The following PRKCH variants were observed in gnomAD, a reference collection of about 807,000 sequenced individuals.
PRKCH encodes protein kinase C eta.
A neutral mutation model predicts 82.5 loss-of-function variants in PRKCH; 28 were observed. That is an observed-to-expected ratio of 0.34 (90% CI 0.25 to 0.47). The LOEUF (loss-of-function observed/expected upper bound fraction) is 0.47. PRKCH is among the 20% of genes least tolerant of loss of function. The pLI, the probability that PRKCH is intolerant of heterozygous loss-of-function variation, is 1.00. For synonymous variants in PRKCH, 322 were observed against 327.4 expected, an observed-to-expected ratio of 0.98 and a Z score of 0.18; for missense variants, 705 against 881.8, an observed-to-expected ratio of 0.80 and a Z score of 2.54.
intron 7 of PRKCH, among the ~76,000 whole-genome samples, chr14:61,454,292 G>A (rs956810235): frequency 6.6e-5 from 10 of 151,870 alleles, no homozygotes; most frequent in African/African-American, 2.2e-4. Context: ...TTAGTAAGAC[G>A]GAGTTTCTCC....
chr14:61,505,877 A>G (rs570076894), intron 10 of PRKCH, among the ~76,000 whole-genome samples: 5 of 152,110 alleles, frequency 3.3e-5, no homozygotes, highest in Non-Finnish European at 7.3e-5. Context: ...GTAGAGGCCA[A>G]TGGGGACACT....
chr14:61,324,386 C>T (rs2045668642), intron 1 of PRKCH, among the ~76,000 whole-genome samples: 1 of 152,098 alleles, frequency 6.6e-6, no homozygotes, highest in African/African-American at 2.4e-5. Flanking sequence ...TAGGGAGGGT[C>T]AGCATTTAAA....
chr14:61,312,928 A>C (rs545930650), intron 1 of PRKCH, among the ~76,000 whole-genome samples: 1 of 152,362 alleles, frequency 6.6e-6, no homozygotes, highest in Non-Finnish European at 1.5e-5. Flanking sequence ...GACCTCCTTA[A>C]CATTAAGATC....
At chr14:61,247,421 G>A (rs1163040690) in intron 1 of PRKCH, among the ~76,000 whole-genome samples, 2 of 152,094 alleles carry the variant, frequency 1.3e-5, no homozygotes, top group African/African-American at 4.8e-5. Flanking sequence ...ATTAAATGAT[G>A]TTTGGTAGAA....
At chr14:61,284,174 C>T (rs2045295102) in intron 1 of PRKCH, among the ~76,000 whole-genome samples, 1 of 152,178 alleles carries the variant, frequency 6.6e-6, no homozygotes, top group Non-Finnish European at 1.5e-5. Flanking sequence ...ATAAAAATGC[C>T]CTCTGCAGAA....
chr14:61,453,189 T>C (rs751471279), intron 6 of PRKCH, 37 bp from the exon 7 acceptor site: 15 of 1,613,866 alleles, frequency 9.3e-6, no homozygotes, highest in Non-Finnish European at 1.2e-5. Flanking sequence ...AATTGGTTCC[T>C]TTCTGAACAT....
intron 1 of PRKCH, among the ~76,000 whole-genome samples, chr14:61,195,242 T>C (rs2044432654): frequency 6.6e-6 from 1 of 152,226 alleles, no homozygotes; most frequent in Non-Finnish European, 1.5e-5. Context: ...GGTCTCTCAA[T>C]GAGTTTATCT....
chr14:61,438,381 G>A (rs912985865), intron 2 of PRKCH, among the ~76,000 whole-genome samples: 5 of 152,096 alleles, frequency 3.3e-5, no homozygotes, highest in Admixed American at 2.0e-4. Flanking sequence ...TGCATTTTAC[G>A]CCAGTAATTC....
intron 1 of PRKCH, among the ~76,000 whole-genome samples, chr14:61,207,195 T>C (rs940486389): frequency 1.6e-5 from 2 of 127,198 alleles, no homozygotes; most frequent in East Asian, 5.4e-4. Flanking sequence ...TAGCACTACC[T>C]GCCCACAATA....
chr14:61,367,533 A>G (rs1594951170), intron 1 of PRKCH, among the ~76,000 whole-genome samples: 1 of 151,730 alleles, frequency 6.6e-6, no homozygotes, highest in East Asian at 1.9e-4. Context: ...TGCTCAATAA[A>G]TGTTTGTTGG....
chr14:61,449,072 T>TGTTGGCACG (rs1392909619), intron 4 of PRKCH, 92 bp from the exon 5 acceptor site: 1 of 1,206,922 alleles, frequency 8.3e-7, no homozygotes, highest in African/African-American at 1.5e-5. Context: ...AGTCCAGTCT[T>TGTTGGCACG]GTTGGCACGG....
At chr14:61,474,831 A>G (rs1034493206) in intron 9 of PRKCH, among the ~76,000 whole-genome samples, 1 of 152,246 alleles carries the variant, frequency 6.6e-6, no homozygotes, top group African/African-American at 2.4e-5. Context: ...AATCAAACTC[A>G]GAATAGCATG....
chr14:61,457,280 T>A lies in PRKCH; in HGVS notation c.1065T>A (p.Phe355Leu). Residue 355 changes from phenylalanine to leucine, a missense_variant, in exon 8 of 14, where the codon TTT becomes TTA. Phe to Leu is a conservative substitution (Grantham distance 22, BLOSUM62 0). This residue lies in a region of PRKCH where 238 missense variants were observed against 258.1 expected (regional missense o/e 0.92). Coordinates refer to ENST00000332981, the MANE Select transcript of PRKCH (RefSeq NM_006255.5). ...NSSNRLGIDN[F>L]EFIRVLGKGS... The stretch of plus-strand genomic sequence containing the variant: ...CCAACCGACTTGGTATCGACAACTT[T>A]GAGTTCATCCGAGTGTTGGGGAAGG... The A allele has an allele frequency of 6.2e-7, 1 of 1,614,194 alleles. No individual in the cohort carries two copies. Among genetic ancestry groups the A allele is most frequent in the Non-Finnish European group, 8.5e-7 (1 of 1,180,026 alleles).
At chr14:61,365,924 T>C (rs954789164) in intron 1 of PRKCH, among the ~76,000 whole-genome samples, 1 of 152,036 alleles carries the variant, frequency 6.6e-6, no homozygotes, top group Non-Finnish European at 1.5e-5. Flanking sequence ...TATTTTAGGC[T>C]GTGACAGTAA....
chr14:61,377,401 C>A (rs903498383), intron 1 of PRKCH, among the ~76,000 whole-genome samples: 11 of 152,312 alleles, frequency 7.2e-5, no homozygotes, highest in Admixed American at 1.3e-4. Flanking sequence ...GTCTTTATTT[C>A]CAACATCTTG....
chr14:61,391,018 A>G (rs1038676953), intron 1 of PRKCH, among the ~76,000 whole-genome samples: 3 of 152,226 alleles, frequency 2.0e-5, no homozygotes, highest in African/African-American at 7.2e-5. Flanking sequence ...GAGGAAGGAA[A>G]CTGATAAAAT....
At chr14:61,387,834 T>C (rs1474604274) in intron 1 of PRKCH, among the ~76,000 whole-genome samples, 1 of 152,258 alleles carries the variant, frequency 6.6e-6, no homozygotes, top group Non-Finnish European at 1.5e-5. Context: ...TTTTCTGTTC[T>C]GTTTTTATTC....
chr14:61,426,550 C>A (rs1460361649), intron 2 of PRKCH, among the ~76,000 whole-genome samples: 1 of 152,140 alleles, frequency 6.6e-6, no homozygotes, highest in Non-Finnish European at 1.5e-5. Context: ...AGGGTAATTT[C>A]TCTTTAGTCT....
chr14:61,412,745 C>A (rs1304707473), intron 2 of PRKCH, among the ~76,000 whole-genome samples: 2 of 152,310 alleles, frequency 1.3e-5, no homozygotes, highest in East Asian at 3.9e-4. Context: ...AACTTTTACA[C>A]CTGAAAGCCC....
Sources: gnomAD v4.1 joint callset for allele counts (sites outside exome capture counted in the v4.1 genomes callset) on GRCh38, gnomAD v4.1.1 for gene constraint, gnomAD v4.1.1 regional missense constraint, MANE v1.5 for transcripts, NCBI Gene and HGNC (gene_info 2026-07-23, HGNC 2026-07-21) for gene names.